BNC2: variants seen among roughly 807,000 people sequenced by gnomAD.
The protein encoded by BNC2 is basonuclin zinc finger protein 2, also known as zinc finger protein basonuclin-2.
BNC2 carries 20 observed loss-of-function variants against 76.3 expected under a neutral mutation model. The ratio of observed to expected loss-of-function variants is 0.26; its 90% CI spans 0.18 to 0.38. The LOEUF is 0.38. Among genes scored for constraint, BNC2 ranks in the 10% least tolerant of loss-of-function variants. The probability of loss-of-function intolerance (pLI) is 1.00; values close to 1 mark genes in which losing one functional copy is unlikely to be tolerated. For missense variants in BNC2, 1,382 were observed against 1,399.8 expected (o/e 0.99, Z 0.20); for synonymous variants, 582 against 514.8 (o/e 1.13, Z -1.77).
At chr9:16,808,672 T>C (rs1412674726) in intron 1 of BNC2, among the ~76,000 whole-genome samples, 2 of 151,356 alleles carry the variant, frequency 1.3e-5, no homozygotes, top group African/African-American at 4.8e-5. Flanking sequence ...TTTGTAGAGA[T>C]GGGGTTTTGC....
chr9:16,767,123 G>T (rs1825716954), intron 1 of BNC2, among the ~76,000 whole-genome samples: 1 of 152,234 alleles, frequency 6.6e-6, no homozygotes, highest in Non-Finnish European at 1.5e-5. Context: ...GATCGTAAGA[G>T]TGAGGGAGAG....
chr9:16,628,915 T>C (rs982691922), intron 3 of BNC2, among the ~76,000 whole-genome samples: 19 of 152,186 alleles, frequency 1.2e-4, no homozygotes, highest in African/African-American at 4.3e-4. Flanking sequence ...CTGTAGTGTC[T>C]GAAGGCAATA....
chr9:16,778,168 G>A (rs539198635), intron 1 of BNC2, among the ~76,000 whole-genome samples: 9 of 152,102 alleles, frequency 5.9e-5, no homozygotes, highest in African/African-American at 1.9e-4. Flanking sequence ...TCATAATGAG[G>A]AAACTGTAAA....
At chr9:16,551,052 C>T (rs192279799) in intron 5 of BNC2, among the ~76,000 whole-genome samples, 5 of 152,232 alleles carry the variant, frequency 3.3e-5, no homozygotes, top group Admixed American at 1.3e-4. Context: ...GCCCCCTGAC[C>T]GTCCAAGACT....
intron 6 of BNC2, among the ~76,000 whole-genome samples, chr9:16,431,648 T>C (rs924582492): frequency 6.6e-6 from 1 of 152,220 alleles, no homozygotes; most frequent in East Asian, 1.9e-4. Flanking sequence ...TATCAGGATA[T>C]ACTTGAAGAC....
chr9:16,858,845 CA>C (rs1269476543), intron 1 of BNC2, among the ~76,000 whole-genome samples: 18 of 125,460 alleles, frequency 1.4e-4, no homozygotes, highest in Admixed American at 1.6e-4. Context: ...GACTCCATCT[CA>C]AAAAAAAAAG....
At chr9:16,602,535 A>G (rs1001048487) in intron 3 of BNC2, among the ~76,000 whole-genome samples, 2 of 152,218 alleles carry the variant, frequency 1.3e-5, no homozygotes, top group Non-Finnish European at 2.9e-5. Flanking sequence ...GAAAATCTAC[A>G]ATGTCTTTTC....
intron 3 of BNC2, among the ~76,000 whole-genome samples, chr9:16,697,063 T>TA (rs1823359175): frequency 6.6e-6 from 1 of 152,194 alleles, no homozygotes; most frequent in East Asian, 1.9e-4. Context: ...TGCCCTGCAA[T>TA]ATAAATTAAA....
At chr9:16,774,808 C>T (rs1825919408) in intron 1 of BNC2, among the ~76,000 whole-genome samples, 1 of 152,174 alleles carries the variant, frequency 6.6e-6, no homozygotes. Context: ...CTGAACAACC[C>T]AGGACCCTGA....
At chr9:16,854,486 A>C (rs937164424) in intron 1 of BNC2, among the ~76,000 whole-genome samples, 6 of 152,240 alleles carry the variant, frequency 3.9e-5, no homozygotes, top group African/African-American at 1.4e-4. Flanking sequence ...ATTTCTCTAT[A>C]AGGCATTTAA....
chr9:16,444,386 A>G (rs1821190014), intron 5 of BNC2, among the ~76,000 whole-genome samples: 1 of 152,162 alleles, frequency 6.6e-6, no homozygotes, highest in African/African-American at 2.4e-5. Flanking sequence ...GGTATGTGCT[A>G]TGCACACACA....
intron 6 of BNC2, among the ~76,000 whole-genome samples, chr9:16,435,293 C>T (rs1820983056): frequency 6.6e-6 from 1 of 152,150 alleles, no homozygotes; most frequent in Non-Finnish European, 1.5e-5. Flanking sequence ...AACACATACA[C>T]ACACGTATAC....
chr9:16,437,023 T>G lies in BNC2; in HGVS notation c.1171A>C (p.Thr391Pro). Residue 391 changes from threonine (T) to proline (P), a missense_variant, in exon 6 of 7, where the codon ACT (threonine) becomes CCT (proline). Around this residue, in one of 3 missense-constraint regions of BNC2, gnomAD observed 557 missense variants for 540.9 expected, o/e 1.03. Transcript: ENST00000380672. ...GGCTCGGTTTTGGGCTCCACATTAG[T>G]AATGCTGGTCAGGGCATTTCTATTG... ...TPNRNALTSI[T>P]NVEPKTEPAC... 6.2e-7 allele frequency: 1 copy of G among 1,614,154 alleles called. No homozygotes were observed. The highest frequency in any genetic ancestry group is 8.5e-7 in the Non-Finnish European group (1 of 1,180,034).
At chr9:16,851,375 T>C (rs1173900669) in intron 1 of BNC2, among the ~76,000 whole-genome samples, 1 of 151,216 alleles carries the variant, frequency 6.6e-6, no homozygotes, top group African/African-American at 2.4e-5. Context: ...GCATGATGGC[T>C]CATGCGTGTA....
At chr9:16,531,608 A>G (rs1001858739) in intron 5 of BNC2, among the ~76,000 whole-genome samples, 1 of 152,210 alleles carries the variant, frequency 6.6e-6, no homozygotes, top group Admixed American at 6.5e-5. Context: ...AGAAGCTGCA[A>G]AATAATTATA....
At chr9:16,851,386 G>A (rs1819123819) in intron 1 of BNC2, among the ~76,000 whole-genome samples, 1 of 151,958 alleles carries the variant, frequency 6.6e-6, no homozygotes. Context: ...CATGCGTGTA[G>A]TCCCAGCTAC....
chr9:16,477,108 G>A (rs765988431), intron 5 of BNC2, among the ~76,000 whole-genome samples: 5 of 152,136 alleles, frequency 3.3e-5, no homozygotes, highest in Non-Finnish European at 7.4e-5. Context: ...TCTCCCTGAA[G>A]AACAGCCAAA....
intron 5 of BNC2, among the ~76,000 whole-genome samples, chr9:16,500,376 C>G (rs551483110): frequency 2.6e-5 from 4 of 152,156 alleles, no homozygotes; most frequent in Admixed American, 1.3e-4. Context: ...TTTTAATTTT[C>G]TAAATGTATA....
intron 1 of BNC2, among the ~76,000 whole-genome samples, chr9:16,761,498 T>C (rs1232825792): frequency 6.6e-6 from 1 of 152,220 alleles, no homozygotes; most frequent in African/African-American, 2.4e-5. Context: ...AACTATGATA[T>C]AATCTAAGAT....
Sources: allele counts gnomAD v4.1 joint callset (sites outside exome capture counted in the v4.1 genomes callset), GRCh38; gene constraint gnomAD v4.1.1; regional missense constraint gnomAD v4.1.1; transcripts MANE v1.5; gene names NCBI Gene and HGNC (gene_info 2026-07-23, HGNC 2026-07-21).